The following RUVBL1 variants were observed in gnomAD, a reference collection of about 807,000 sequenced individuals.
The protein encoded by RUVBL1 is ruvB-like 1.
Under a neutral mutation model 52.4 loss-of-function variants are expected in RUVBL1, and 4 were observed. That is an observed-to-expected ratio of 0.08 (90% CI 0.04 to 0.17). The LOEUF (loss-of-function observed/expected upper bound fraction) is 0.17, where lower values mean the gene tolerates loss of function less well. Ranked by LOEUF, RUVBL1 falls within the 10% of genes least tolerant of loss-of-function variation. The pLI, the probability that RUVBL1 is intolerant of heterozygous loss-of-function variation, is 1.00. For synonymous variants in RUVBL1, 217 were observed against 214.4 expected, an observed-to-expected ratio of 1.01 and a Z score of -0.10; for missense variants, 298 against 572.8, an observed-to-expected ratio of 0.52 and a Z score of 4.90.
At chr3:128,117,070 G>A (rs1324011681) in intron 2 of RUVBL1, among the ~76,000 whole-genome samples, 1 of 152,012 alleles carries the variant, frequency 6.6e-6, no homozygotes, top group Admixed American at 6.6e-5. Flanking sequence ...CTAGGTATAG[G>A]GTATAGAGGG....
intron 7 of RUVBL1, 56 bp downstream of exon 7, chr3:128,098,826 A>T (rs1340123612): frequency 1.4e-6 from 2 of 1,474,442 alleles, no homozygotes; most frequent in African/African-American, 2.8e-5. Flanking sequence ...AGAGCATCTC[A>T]GAATGTGGGG....
At chr3:128,134,615 C>T (rs936926070) in intron 1 of RUVBL1, among the ~76,000 whole-genome samples, 7 of 151,012 alleles carry the variant, frequency 4.6e-5, no homozygotes, top group Admixed American at 1.3e-4. Flanking sequence ...GGTGAAACCC[C>T]ATCTCTACAA....
chr3:128,143,541 G>T (rs1258769381), intron 1 of RUVBL1, among the ~76,000 whole-genome samples: 1 of 152,158 alleles, frequency 6.6e-6, no homozygotes, highest in Non-Finnish European at 1.5e-5. Flanking sequence ...CTGGCTCCGG[G>T]ATGTGAACAT....
rs1576439558 is a variant in RUVBL1 at position 128,082,235 on chromosome 3, A to G, written c.1211+248T>C. 1 of 476,642 alleles carries G rather than the reference A, an allele frequency of 2.1e-6. No individual in the cohort carries two copies. The highest frequency in any genetic ancestry group is 3.8e-6 in the Non-Finnish European group (1 of 264,500). 29.5% of individuals were successfully genotyped at this position (476,642 alleles called of 1,614,324 possible). ...CCACAAGAAGGCCCAGGGTCAAAGCACTCTCCACCAGAGGGGAGCATCTGC... is the reference window on the plus strand; with the variant it reads ...CCACAAGAAGGCCCAGGGTCAAAGCGCTCTCCACCAGAGGGGAGCATCTGC... On this transcript the variant is annotated intron_variant, in intron 10 of 10. Coordinates refer to ENST00000322623, the MANE Select transcript of RUVBL1 (RefSeq NM_003707.3). The surrounding 1 kb of genome is among the most constrained non-coding windows in gnomAD (Gnocchi z 4.7).
At chr3:128,101,433 CTCA>C (rs1943105886) in intron 5 of RUVBL1, 123 bp downstream of exon 5, 4 of 808,164 alleles carry the variant, frequency 4.9e-6, no homozygotes, top group African/African-American at 1.7e-5. Context: ...TTCCATCAGC[CTCA>C]TAACAGACAC....
In RUVBL1 at chr3:128,067,693, A is replaced by G; in HGVS notation, c.940-2473T>C. Reference sequence around the variant, plus strand: ...GTGTGGACTTGTCACCTCATCATAAATAATGGTCTGTGACGTGTGCAGATA... The same window carrying G: ...GTGTGGACTTGTCACCTCATCATAAGTAATGGTCTGTGACGTGTGCAGATA... On this transcript the variant is annotated intron_variant, in intron 9 of 9. Transcript: ENST00000464873. This position sits in a 1 kb window ranked among gnomAD's most constrained non-coding sequence, Gnocchi z 4.1. The G allele has an allele frequency of 8.6e-7, 1 of 1,156,334 alleles. No individual in the cohort carries two copies. 71.6% of individuals were successfully genotyped at this position (1,156,334 alleles called of 1,614,324 possible).
chr3:128,128,296 T>C, upstream of RUVBL1, among the ~76,000 whole-genome samples: 1 of 152,172 alleles, frequency 6.6e-6, no homozygotes, highest in East Asian at 1.9e-4. Flanking sequence ...CAGTAAATGT[T>C]ACATTAGTTA....
intron 1 of RUVBL1, among the ~76,000 whole-genome samples, chr3:128,139,576 T>C (rs1332826781): frequency 6.6e-6 from 1 of 152,120 alleles, no homozygotes; most frequent in African/African-American, 2.4e-5. Flanking sequence ...GGAGAAAAAG[T>C]AATCAGTATG....
intron 4 of RUVBL1, among the ~76,000 whole-genome samples, chr3:128,102,175 G>C (rs1420885997): frequency 6.6e-6 from 1 of 152,212 alleles, no homozygotes; most frequent in Non-Finnish European, 1.5e-5. Flanking sequence ...ATCTTGCAGG[G>C]CCTTTGATTT....
chr3:128,151,056 ATAT>A (rs1038467496), intron 1 of RUVBL1, among the ~76,000 whole-genome samples: 15 of 106,254 alleles, frequency 1.4e-4, no homozygotes, highest in East Asian at 9.4e-4. Context: ...TATTCTATAT[ATAT>A]TATATGTTCT....
intron 8 of RUVBL1, among the ~76,000 whole-genome samples, chr3:128,093,364 G>T (rs1269796730): frequency 1.3e-5 from 2 of 152,028 alleles, no homozygotes; most frequent in East Asian, 3.9e-4. Context: ...CTATTGATGG[G>T]TATAGTTTCT....
chr3:128,104,945 G>A, intron 3 of RUVBL1, 21 bp from the exon 4 acceptor site: 1 of 1,586,206 alleles, frequency 6.3e-7, no homozygotes, highest in Non-Finnish European at 8.6e-7. Flanking sequence ...TGGCAGAGGG[G>A]CCATGGTGAG....
At chr3:128,076,081 T>G (rs1408105559), downstream of RUVBL1, 1 of 152,454 alleles carries the variant, frequency 6.6e-6, no homozygotes, top group Non-Finnish European at 1.5e-5. The surrounding 1 kb of genome is among the most constrained non-coding windows in gnomAD (Gnocchi z 6.8). Flanking sequence ...TGGCGGCATG[T>G]GGGTATTTGG....
intron 9 of RUVBL1, chr3:128,084,320 C>T (rs67763343): frequency 0.23 from 34,386 of 152,086 alleles, 3,965 homozygotes; most frequent in South Asian, 0.27. Context: ...GGTACAAGGA[C>T]AACCAAGAAA....
At chr3:128,125,395 G>T (rs1246330392), upstream of RUVBL1, among the ~76,000 whole-genome samples, 1 of 152,004 alleles carries the variant, frequency 6.6e-6, no homozygotes, top group Non-Finnish European at 1.5e-5. Context: ...TTGAATCTAG[G>T]TTTCTAATGA....
At position 128,082,886 on chromosome 3, in the gene RUVBL1, C is replaced by T. The variant is rs1170411408; in HGVS notation, c.1120-312G>A. On this transcript the variant is annotated intron_variant, in intron 9 of 10. Coordinates refer to ENST00000322623, the MANE Select transcript of RUVBL1 (RefSeq NM_003707.3). This position sits in a 1 kb window ranked among gnomAD's most constrained non-coding sequence, Gnocchi z 4.7. ...GCTCACTCTTGCCTCCATGTCCTCCCGTCCCCTGTCCCCAGGCAGAGAACT... is the reference window on the plus strand; with the variant it reads ...GCTCACTCTTGCCTCCATGTCCTCCTGTCCCCTGTCCCCAGGCAGAGAACT... 4.8e-5 allele frequency: 12 copies of T among 248,306 alleles called. No individual in the cohort carries two copies. The highest frequency in any genetic ancestry group is 7.1e-5 in the Non-Finnish European group (9 of 127,014). The allele number at this position is 248,306 out of a possible 1,614,324, so 15.4% of individuals were successfully genotyped here.
intron 1 of RUVBL1, among the ~76,000 whole-genome samples, chr3:128,145,387 T>C (rs556388435): frequency 2.6e-5 from 4 of 152,330 alleles, no homozygotes; most frequent in Non-Finnish European, 5.9e-5. Flanking sequence ...TGGGCCAGCA[T>C]GTTCCCTTTT....
chr3:128,067,744 C>T lies in RUVBL1; in HGVS notation c.940-2524G>A, dbSNP rs768493828. ...GATCGTCGTCCTTTAGGGGGCAGTT[C>T]AGAAGCTTTAAGGGCTGACAGATGG... On this transcript the variant is annotated intron_variant, in intron 9 of 9. Transcript: ENST00000464873. This position sits in a 1 kb window ranked among gnomAD's most constrained non-coding sequence, Gnocchi z 4.1. 1.8e-5 allele frequency: 14 copies of T among 767,958 alleles called. No homozygotes were observed. The highest frequency in any genetic ancestry group is 2.5e-5 in the Non-Finnish European group (12 of 478,656). The allele number at this position is 767,958 out of a possible 1,614,324, so 47.6% of individuals were successfully genotyped here.
At chr3:128,118,541 C>CA (rs1479999754) in intron 2 of RUVBL1, among the ~76,000 whole-genome samples, 1 of 152,200 alleles carries the variant, frequency 6.6e-6, no homozygotes, top group African/African-American at 2.4e-5. Flanking sequence ...TTGCCCACAT[C>CA]AAGCGGCCCT....
Sources: gnomAD v4.1 joint callset for allele counts (sites outside exome capture counted in the v4.1 genomes callset) on GRCh38, gnomAD v4.1.1 for gene constraint, Gnocchi (gnomAD v3.1) non-coding constraint, MANE v1.5 for transcripts, NCBI Gene and HGNC (gene_info 2026-07-23, HGNC 2026-07-21) for gene names.